MTMR9: variants seen among roughly 807,000 people sequenced by gnomAD.
The protein encoded by MTMR9 is myotubularin-related protein 9.
MTMR9 carries 39 observed loss-of-function variants against 69.5 expected under a neutral mutation model. That is an observed-to-expected ratio of 0.56 (90% CI 0.43 to 0.73). The LOEUF (loss-of-function observed/expected upper bound fraction) is 0.73, where lower values mean the gene tolerates loss of function less well. Among genes scored for constraint, MTMR9 ranks in the 30% least tolerant of loss-of-function variants. The pLI, the probability that MTMR9 is intolerant of heterozygous loss-of-function variation, is 0.00. For synonymous variants in MTMR9, 354 were observed against 240.8 expected (o/e 1.47, Z -4.35); for missense variants, 900 against 671.2 (o/e 1.34, Z -3.77).
rs1362617835 is a variant in MTMR9 at position 11,300,104 on chromosome 8, C to T, written c.373C>T (p.His125Tyr). 3.1e-6 allele frequency: 5 copies of T among 1,613,578 alleles called. No homozygotes were observed. The highest frequency in any genetic ancestry group is 4.2e-6 in the Non-Finnish European group (5 of 1,179,634). ...PMFEVIEDGW[H>Y]SFLPEQEFEL... The stretch of plus-strand genomic sequence containing the variant: ...GTTTGAAGTGATAGAAGATGGCTGG[C>T]ATTCCTTCCTTCCTGAGCAAGAATT... Residue 125 changes from histidine (H) to tyrosine (Y), a missense_variant, in exon 3 of 10, where the codon CAT becomes TAT. Coordinates refer to ENST00000221086, the MANE Select transcript of MTMR9 (RefSeq NM_015458.4).
chr8:11,291,490 T>G (rs909714826), intron 1 of MTMR9, among the ~76,000 whole-genome samples: 1 of 152,118 alleles, frequency 6.6e-6, no homozygotes, highest in African/African-American at 2.4e-5. Flanking sequence ...AATCTGACAA[T>G]TGATGTGAAT....
chr8:11,294,377 G>GT (rs1563267077), intron 1 of MTMR9, among the ~76,000 whole-genome samples: 3 of 151,628 alleles, frequency 2.0e-5, no homozygotes. Flanking sequence ...TTTTTGTGGG[G>GT]TTTTTTGTAA....
chr8:11,335,097 A>C, the MTMR9 span, among the ~76,000 whole-genome samples: 4 of 152,352 alleles, frequency 2.6e-5, no homozygotes, highest in South Asian at 8.3e-4. Context: ...ACAGAAACAG[A>C]AAAAGTATAC....
At chr8:11,298,908 T>C (rs1470120743) in intron 2 of MTMR9, 4 of 979,476 alleles carry the variant, frequency 4.1e-6, no homozygotes, top group Non-Finnish European at 4.9e-6. Context: ...GATAGAGTTA[T>C]TGCCCCCATT....
intron 3 of MTMR9, among the ~76,000 whole-genome samples, chr8:11,302,989 A>G (rs1295371343): frequency 1.3e-5 from 2 of 151,892 alleles, no homozygotes; most frequent in East Asian, 1.9e-4. Flanking sequence ...GGAAAAGACA[A>G]TATACTCATG....
intron 2 of MTMR9, 75 bp downstream of exon 2, chr8:11,295,377 A>C: frequency 1.1e-6 from 1 of 881,270 alleles, no homozygotes; most frequent in East Asian, 2.5e-5. Context: ...CCATTTCTTC[A>C]TTAGATAATT....
At chr8:11,316,978 G>C in intron 8 of MTMR9, 85 bp downstream of exon 8, 1 of 738,318 alleles carries the variant, frequency 1.4e-6, no homozygotes, top group Non-Finnish European at 2.2e-6. Flanking sequence ...AGGAGACGAC[G>C]ATTTGGATCT....
chr8:11,336,495 A>T, the MTMR9 span, among the ~76,000 whole-genome samples: 4 of 152,220 alleles, frequency 2.6e-5, no homozygotes, highest in African/African-American at 9.6e-5. Context: ...AGGTGTATTT[A>T]AAATACTTCT....
chr8:11,312,454 C>T (rs1330706943), intron 6 of MTMR9, among the ~76,000 whole-genome samples: 2 of 152,192 alleles, frequency 1.3e-5, no homozygotes, highest in East Asian at 3.9e-4. Flanking sequence ...TCAAGCAATC[C>T]TCCTGCCTTG....
At chr8:11,302,168 G>C in intron 3 of MTMR9, among the ~76,000 whole-genome samples, 2 of 150,206 alleles carry the variant, frequency 1.3e-5, no homozygotes, top group African/African-American at 2.5e-5. Flanking sequence ...TGGGAGAATG[G>C]CTTGAGCCCA....
Position 11,327,736 on chromosome 8 carries a change from A to T in MTMR9, c.*4948A>T, listed in dbSNP as rs904514012. 5 of 152,654 alleles carry T rather than the reference A, an allele frequency of 3.3e-5. No homozygotes were observed. Among genetic ancestry groups the T allele is most frequent in the African/African-American group, 1.2e-4 (5 of 41,458 alleles). The allele number at this position is 152,654 out of a possible 1,614,324, so 9.5% of individuals were successfully genotyped here. A position where few individuals can be genotyped will look rare whatever the true frequency, so the allele number is the denominator to read the frequency against. On this transcript the variant is annotated 3_prime_UTR_variant, in exon 10 of 10. Coordinates refer to ENST00000221086, the MANE Select transcript of MTMR9 (RefSeq NM_015458.4). ...ATACAATAAAATTGCACTGTATGGC[A>T]AATATGTCTATAATGTATGCTTTGC...
intron 8 of MTMR9, chr8:11,318,158 G>C (rs1294169833): frequency 6.6e-6 from 1 of 152,206 alleles, no homozygotes; most frequent in East Asian, 1.9e-4. Flanking sequence ...CTCAGGACTA[G>C]CTTTCAAGAA....
At chr8:11,308,403 T>G (rs1214637882) in intron 5 of MTMR9, among the ~76,000 whole-genome samples, 1 of 152,220 alleles carries the variant, frequency 6.6e-6, no homozygotes, top group Non-Finnish European at 1.5e-5. Flanking sequence ...GTGTCTGTTT[T>G]TATGCCAGTG....
chr8:11,299,896 A>G (rs1356805788), intron 2 of MTMR9, 127 bp from the exon 3 acceptor site: 3 of 1,128,220 alleles, frequency 2.7e-6, no homozygotes, highest in Non-Finnish European at 3.7e-6. Context: ...GATAAACACA[A>G]TGTTAGAGAA....
At chr8:11,336,083 T>C in the MTMR9 span, among the ~76,000 whole-genome samples, 1 of 152,198 alleles carries the variant, frequency 6.6e-6, no homozygotes, top group East Asian at 1.9e-4. Flanking sequence ...AATCACTCCT[T>C]CATGATAAAA....
downstream of MTMR9, chr8:11,330,945 G>GAAAA (rs1801193561): frequency 8.0e-7 from 1 of 1,254,236 alleles, no homozygotes; most frequent in South Asian, 1.8e-5. Flanking sequence ...AAGAAAGAAA[G>GAAAA]AAAAGAAGCA....
intron 8 of MTMR9, chr8:11,319,250 G>C (rs1341237236): frequency 1.3e-5 from 2 of 152,956 alleles, no homozygotes; most frequent in African/African-American, 2.4e-5. Context: ...AAATAAATAG[G>C]ACATAAATGT....
At chr8:11,298,839 T>C (rs1368521122) in intron 2 of MTMR9, 1 of 985,142 alleles carries the variant, frequency 1.0e-6, no homozygotes, top group Non-Finnish European at 1.2e-6. Context: ...ACTCAGGTTT[T>C]CCTATGTCTG....
Position 11,304,829 on chromosome 8 carries a change from T to C in MTMR9, c.418-12T>C, listed in dbSNP as rs1333280315. The C allele has an allele frequency of 6.2e-7, 1 of 1,611,292 alleles. No individual in the cohort carries two copies. Among genetic ancestry groups the C allele is most frequent in the South Asian group, 1.1e-5 (1 of 90,690 alleles). ...ATAGTTGCTTAGCTTTGAAGTATTTTGTGTTTTTCAGACCAGTGAATGGAG... is the reference window on the plus strand; with the variant it reads ...ATAGTTGCTTAGCTTTGAAGTATTTCGTGTTTTTCAGACCAGTGAATGGAG... On this transcript the variant is annotated splice_polypyrimidine_tract_variant and intron_variant, in intron 3 of 9. Coordinates refer to ENST00000221086, the MANE Select transcript of MTMR9 (RefSeq NM_015458.4).
Sources: allele counts gnomAD v4.1 joint callset (sites outside exome capture counted in the v4.1 genomes callset), GRCh38; gene constraint gnomAD v4.1.1; transcripts MANE v1.5; gene names NCBI Gene and HGNC (gene_info 2026-07-23, HGNC 2026-07-21).